Variants in ATF7IP observed in about 807,000 individuals in gnomAD.
ATF7IP encodes activating transcription factor 7-interacting protein 1.
ATF7IP carries 23 observed loss-of-function variants against 106.4 expected under a neutral mutation model. That is an observed-to-expected ratio of 0.22 (90% CI 0.16 to 0.31). The LOEUF is 0.31. Among genes scored for constraint, ATF7IP ranks in the 10% least tolerant of loss-of-function variants. The pLI is 1.00. For missense variants in ATF7IP, 1,334 were observed against 1,524.3 expected, an observed-to-expected ratio of 0.88 and a Z score of 2.08; for synonymous variants, 542 against 539.0, an observed-to-expected ratio of 1.01 and a Z score of -0.08.
chr12:14,388,544 A>G (rs1939372793), intron 1 of ATF7IP, among the ~76,000 whole-genome samples: 1 of 148,880 alleles, frequency 6.7e-6, no homozygotes, highest in South Asian at 2.1e-4. Flanking sequence ...ATGGGGTTTC[A>G]TTATGTTGGC....
At chr12:14,480,643 T>C (rs1482591855) in intron 12 of ATF7IP, among the ~76,000 whole-genome samples, 1 of 152,204 alleles carries the variant, frequency 6.6e-6, no homozygotes, top group Non-Finnish European at 1.5e-5. Context: ...ATGATTCTAC[T>C]TTGCTAAGAA....
intron 1 of ATF7IP, among the ~76,000 whole-genome samples, chr12:14,388,036 G>A (rs1207429701): frequency 2.8e-5 from 4 of 144,016 alleles, no homozygotes; most frequent in South Asian, 2.2e-4. Flanking sequence ...TTTTTGAGAC[G>A]GAGTTTCACT....
chr12:14,401,489 G>C (rs1288641930), intron 1 of ATF7IP, among the ~76,000 whole-genome samples: 1 of 152,042 alleles, frequency 6.6e-6, no homozygotes, highest in Non-Finnish European at 1.5e-5. Context: ...GAGCCATCGT[G>C]CCTGGCCTTT....
chr12:14,431,644 T>C (rs1289066039), intron 2 of ATF7IP, among the ~76,000 whole-genome samples: 1 of 152,090 alleles, frequency 6.6e-6, no homozygotes, highest in East Asian at 1.9e-4. Flanking sequence ...TCCGCCCGCC[T>C]CGGCCTCCCA....
At chr12:14,400,132 C>G (rs1465801702) in intron 1 of ATF7IP, among the ~76,000 whole-genome samples, 5 of 152,190 alleles carry the variant, frequency 3.3e-5, no homozygotes, top group Admixed American at 3.3e-4. Flanking sequence ...TGATGATTCA[C>G]ACTGGCGTAT....
chr12:14,489,613 A>G (rs1023117437), intron 13 of ATF7IP, among the ~76,000 whole-genome samples: 3 of 152,272 alleles, frequency 2.0e-5, no homozygotes, highest in Admixed American at 6.5e-5. Context: ...CAGAGCATAC[A>G]TGGCCTTCTG....
intron 1 of ATF7IP, among the ~76,000 whole-genome samples, chr12:14,422,408 A>G (rs1392960264): frequency 2.6e-5 from 4 of 151,840 alleles, no homozygotes; most frequent in African/African-American, 7.3e-5. Flanking sequence ...CTGAGATAAA[A>G]CCACATATCT....
intron 12 of ATF7IP, among the ~76,000 whole-genome samples, chr12:14,480,143 T>A (rs1179657280): frequency 6.6e-6 from 1 of 152,162 alleles, no homozygotes; most frequent in Non-Finnish European, 1.5e-5. Flanking sequence ...GCCAGTATTT[T>A]CCTCCAACTT....
intron 13 of ATF7IP, among the ~76,000 whole-genome samples, chr12:14,490,944 C>G (rs1331605236): frequency 6.6e-6 from 1 of 152,090 alleles, no homozygotes; most frequent in African/African-American, 2.4e-5. Context: ...TCAGTTTCCA[C>G]CAAAGCCCCT....
chr12:14,448,145 C>T (rs985522244), intron 6 of ATF7IP, among the ~76,000 whole-genome samples: 3 of 151,902 alleles, frequency 2.0e-5, no homozygotes, highest in Non-Finnish European at 4.4e-5. Flanking sequence ...AGTAAATTGC[C>T]AATATCAATA....
chr12:14,406,240 A>T (rs964158452), intron 1 of ATF7IP, among the ~76,000 whole-genome samples: 1 of 152,162 alleles, frequency 6.6e-6, no homozygotes, highest in Admixed American at 6.5e-5. Flanking sequence ...CTGGGGCTAC[A>T]GATGTCTGCC....
chr12:14,459,110 A>G (rs1943545444), intron 8 of ATF7IP, among the ~76,000 whole-genome samples: 2 of 152,282 alleles, frequency 1.3e-5, no homozygotes, highest in South Asian at 2.1e-4. Flanking sequence ...TTGCTGATAA[A>G]TACAGTTGGG....
chr12:14,492,829 A>G (rs1384636638), intron 13 of ATF7IP, among the ~76,000 whole-genome samples: 2 of 152,142 alleles, frequency 1.3e-5, no homozygotes, highest in African/African-American at 2.4e-5. Context: ...GAGTGACTGC[A>G]GTTCCCGCTG....
At chr12:14,477,651 A>G (rs937595829) in intron 11 of ATF7IP, among the ~76,000 whole-genome samples, 1 of 152,226 alleles carries the variant, frequency 6.6e-6, no homozygotes, top group Non-Finnish European at 1.5e-5. Flanking sequence ...TTCCAATGGC[A>G]TTAAAGTATC....
intron 9 of ATF7IP, 90 bp from the exon 10 acceptor site, chr12:14,466,436 G>A (rs1943836105): frequency 9.8e-7 from 1 of 1,024,372 alleles, no homozygotes; most frequent in African/African-American, 1.6e-5. Flanking sequence ...AAAAGTAGTT[G>A]GAGAAAACTA....
In ATF7IP at chr12:14,424,096, A is replaced by G; in HGVS notation, c.181A>G (p.Asn61Asp). Residue 61 changes from asparagine (N) to aspartate (D), a missense_variant, in exon 2 of 15, where the codon AAC (asparagine) becomes GAC (aspartate). Coordinates refer to ENST00000261168, the MANE Select transcript of ATF7IP (RefSeq NM_018179.5). ...TTTGGACCCAACCTCACCTTTGGAA[A>G]ACATGGATTACATTAAAGACAAGGA... ...GDLDPTSPLE[N>D]MDYIKDKEEV... 1 of 1,614,198 alleles carries G rather than the reference A, an allele frequency of 6.2e-7. No homozygotes were observed. The highest frequency in any genetic ancestry group is 1.3e-5 in the African/African-American group (1 of 75,056).
chr12:14,422,964 G>A (rs1004711814), intron 1 of ATF7IP, among the ~76,000 whole-genome samples: 8 of 152,106 alleles, frequency 5.3e-5, no homozygotes, highest in African/African-American at 1.9e-4. Context: ...ACATATTGTG[G>A]AACTGCCTGT....
chr12:14,453,222 C>T (rs1187653768), intron 6 of ATF7IP, among the ~76,000 whole-genome samples: 2 of 152,174 alleles, frequency 1.3e-5, no homozygotes, highest in Non-Finnish European at 2.9e-5. Flanking sequence ...CTTTGAGCTT[C>T]TTGAATTTGC....
At chr12:14,403,203 TTA>T (rs1940358633) in intron 1 of ATF7IP, among the ~76,000 whole-genome samples, 1 of 151,914 alleles carries the variant, frequency 6.6e-6, no homozygotes, top group Admixed American at 6.6e-5. Flanking sequence ...GTTGAAACAT[TTA>T]GTGTCTTTTC....
Sources: gnomAD v4.1 joint callset for allele counts (sites outside exome capture counted in the v4.1 genomes callset) on GRCh38, gnomAD v4.1.1 for gene constraint, MANE v1.5 for transcripts, NCBI Gene and HGNC (gene_info 2026-07-23, HGNC 2026-07-21) for gene names.